Variants in ASCC3 observed in about 807,000 individuals in gnomAD.
ASCC3 encodes the protein activating signal cointegrator 1 complex subunit 3.
Under a neutral mutation model 256.3 loss-of-function variants are expected in ASCC3, and 158 were observed. The ratio of observed to expected loss-of-function variants is 0.62; its 90% CI spans 0.54 to 0.70. The LOEUF (loss-of-function observed/expected upper bound fraction) is 0.70. Ranked by LOEUF, ASCC3 falls within the 30% of genes least tolerant of loss-of-function variation. The pLI is 0.00. For synonymous variants in ASCC3, 948 were observed against 883.4 expected, an observed-to-expected ratio of 1.07 and a Z score of -1.30; for missense variants, 2,259 against 2,626.0, an observed-to-expected ratio of 0.86 and a Z score of 3.05.
intron 8 of ASCC3, among the ~76,000 whole-genome samples, chr6:100,788,673 T>C (rs1349271449): frequency 6.6e-6 from 1 of 151,950 alleles, no homozygotes; most frequent in East Asian, 1.9e-4. Flanking sequence ...ATGTCTAATG[T>C]ATTACATTAA....
At chr6:100,515,237 G>T (rs1173396813) in intron 39 of ASCC3, among the ~76,000 whole-genome samples, 2 of 152,086 alleles carry the variant, frequency 1.3e-5, no homozygotes, top group East Asian at 3.9e-4. Flanking sequence ...TCATAATTTT[G>T]ATGGTAATTT....
intron 10 of ASCC3, among the ~76,000 whole-genome samples, chr6:100,726,186 A>G (rs923159947): frequency 2.6e-5 from 4 of 152,038 alleles, no homozygotes; most frequent in Non-Finnish European, 5.9e-5. Flanking sequence ...AAATATACCC[A>G]GAGATCACTT....
At position 100,880,892 on chromosome 6, in the gene ASCC3, G is replaced by A. The variant is rs572225634; in HGVS notation, c.-42+169C>T. Among the ~76,000 whole-genome samples, 10 of 152,236 alleles carry A rather than the reference G, an allele frequency of 6.6e-5. No individual in the cohort carries two copies. The South Asian group carries it at 1.7e-3, about 25-fold the overall frequency. On this transcript the variant is annotated intron_variant, in intron 1 of 41. Coordinates refer to ENST00000369162, the MANE Select transcript of ASCC3 (RefSeq NM_006828.4). ...ATGGGCGGTATTGTTGCGAGACCCC[G>A]GACTCGACCTCATGCCACTGAAAAG... is the stretch of plus-strand genomic sequence containing the variant.
chr6:100,876,187 A>G (rs924173686), intron 1 of ASCC3, among the ~76,000 whole-genome samples: 2 of 152,172 alleles, frequency 1.3e-5, no homozygotes, highest in East Asian at 1.9e-4. Context: ...GCATATGGTT[A>G]TAACATGGTT....
intron 11 of ASCC3, among the ~76,000 whole-genome samples, chr6:100,719,812 C>T (rs1779241361): frequency 6.6e-6 from 1 of 151,908 alleles, no homozygotes; most frequent in Non-Finnish European, 1.5e-5. Flanking sequence ...TGTTTTCCTT[C>T]ACATAAAATT....
intron 36 of ASCC3, among the ~76,000 whole-genome samples, chr6:100,550,484 C>T (rs998239145): frequency 3.9e-5 from 6 of 151,974 alleles, no homozygotes; most frequent in Admixed American, 3.9e-4. Flanking sequence ...TTTCATAAGG[C>T]TTGCCTTGTA....
In ASCC3 at chr6:100,689,228, A is replaced by G. The variant is rs371801419; in HGVS notation, c.2152-9476T>C. Reference sequence around the variant, plus strand: ...TCATAAGCTTACATAGCTCACCCCAATGTTAAGACTAATCATAAAAGACAC... The same window carrying G: ...TCATAAGCTTACATAGCTCACCCCAGTGTTAAGACTAATCATAAAAGACAC... On this transcript the variant is annotated intron_variant, in intron 13 of 41. Coordinates refer to ENST00000369162, the MANE Select transcript of ASCC3 (RefSeq NM_006828.4). 4.6e-5 allele frequency among the ~76,000 whole-genome samples: 7 copies of G among 152,140 alleles called. No homozygotes were observed. In the East Asian group the frequency reaches 7.7e-4, roughly 17 times the overall value.
At chr6:100,756,045 T>TA (rs1297507211) in intron 10 of ASCC3, among the ~76,000 whole-genome samples, 2 of 152,030 alleles carry the variant, frequency 1.3e-5, no homozygotes, top group Admixed American at 6.6e-5. Context: ...GTAAAAATCT[T>TA]ATTGTTGGAA....
At position 100,691,257 on chromosome 6, in the gene ASCC3, C is replaced by G. The variant is rs530250011; in HGVS notation, c.2152-11505G>C. The stretch of plus-strand genomic sequence containing the variant: ...GAAACATAAGACATATTTCAGCAGT[C>G]CCTGAAATACTAGGACCCCAGAAAA... On this transcript the variant is annotated intron_variant, in intron 13 of 41. Coordinates refer to ENST00000369162, the MANE Select transcript of ASCC3 (RefSeq NM_006828.4). 3.9e-5 allele frequency among the ~76,000 whole-genome samples: 6 copies of G among 151,988 alleles called. No homozygotes were observed. In the South Asian group the frequency reaches 1.3e-3, roughly 32 times the overall value.
At chr6:100,700,744 G>A (rs1331270271) in intron 13 of ASCC3, among the ~76,000 whole-genome samples, 3 of 152,180 alleles carry the variant, frequency 2.0e-5, no homozygotes, top group African/African-American at 7.2e-5. Flanking sequence ...ACTTGTATGG[G>A]GCCTGAAGCC....
intron 13 of ASCC3, among the ~76,000 whole-genome samples, chr6:100,705,300 G>C (rs1443920211): frequency 2.0e-5 from 3 of 151,992 alleles, no homozygotes; most frequent in Admixed American, 6.6e-5. Flanking sequence ...ACACGAGCAC[G>C]CAAGTTTAGA....
rs1202629849 is a variant in ASCC3 at position 100,767,287 on chromosome 6, A to G, written c.1454T>C (p.Phe485Ser). The G allele has an allele frequency of 3.1e-6, 5 of 1,614,070 alleles. No individual in the cohort carries two copies. Among genetic ancestry groups the G allele is most frequent in the Admixed American group, 1.7e-5 (1 of 60,018 alleles). ...KRLNRIQSIV[F>S]ETAYNTNENM... ...CTCATTGGTGTTGTAGGCAGTCTCA[A>G]ACACTATTGACTGGATTCTATTGAG... The change falls in exon 9 of 42, where the codon TTT (phenylalanine) becomes TCT (serine). Residue 485 changes from phenylalanine to serine, a missense_variant. Phe to Ser is a radical substitution (Grantham distance 155). This residue lies in a region of ASCC3 where 1,839 missense variants were observed against 2,206.7 expected (regional missense o/e 0.83). Transcript: ENST00000369162.
intron 14 of ASCC3, among the ~76,000 whole-genome samples, chr6:100,676,090 A>G (rs1357723400): frequency 6.6e-6 from 1 of 152,108 alleles, no homozygotes; most frequent in East Asian, 1.9e-4. Context: ...TTAAGACACA[A>G]TCTTTGAGGG....
At chr6:100,875,865 A>C (rs846777) in intron 1 of ASCC3, among the ~76,000 whole-genome samples, 101,445 of 151,724 alleles carry the variant, frequency 0.67, 34,193 homozygotes, top group East Asian at 0.7. Context: ...GGGAAAAAAC[A>C]AACAAACAAA....
intron 4 of ASCC3, among the ~76,000 whole-genome samples, chr6:100,834,822 T>C (rs1771795815): frequency 6.6e-6 from 1 of 152,136 alleles, no homozygotes; most frequent in Non-Finnish European, 1.5e-5. Flanking sequence ...GTAATTGAAG[T>C]TGGTCCTCCA....
chr6:100,789,544 C>T (rs1268328347), intron 8 of ASCC3, among the ~76,000 whole-genome samples: 3 of 151,888 alleles, frequency 2.0e-5, no homozygotes, highest in Non-Finnish European at 4.4e-5. Context: ...AATATCCTAC[C>T]CATCCACAAC....
At chr6:100,733,561 G>A (rs76185275) in intron 10 of ASCC3, among the ~76,000 whole-genome samples, 1,832 of 152,156 alleles carry the variant, frequency 0.012, 26 homozygotes, top group Middle Eastern at 0.02. Context: ...GCCCAATCTT[G>A]AACTTTCCAG....
At chr6:100,601,112 C>T (rs868816085) in intron 34 of ASCC3, among the ~76,000 whole-genome samples, 20 of 152,158 alleles carry the variant, frequency 1.3e-4, no homozygotes, top group Middle Eastern at 3.4e-3. Context: ...AAGTGCCTTC[C>T]GCCTTTTCTA....
chr6:100,638,518 T>C (rs948401908), intron 25 of ASCC3, 83 bp downstream of exon 25: 1 of 1,178,386 alleles, frequency 8.5e-7, no homozygotes, highest in Non-Finnish European at 1.2e-6. Flanking sequence ...CATTAGACCC[T>C]GCCAATATAT....
Sources: gnomAD v4.1 joint callset for allele counts (sites outside exome capture counted in the v4.1 genomes callset) on GRCh38, gnomAD v4.1.1 for gene constraint, gnomAD v4.1.1 regional missense constraint, MANE v1.5 for transcripts, NCBI Gene and HGNC (gene_info 2026-07-23, HGNC 2026-07-21) for gene names.